The following NPSR1 variants were observed in gnomAD, a reference collection of about 807,000 sequenced individuals.
The protein encoded by NPSR1 is neuropeptide S receptor.
In NPSR1, 48 loss-of-function variants were observed where a neutral mutation model predicts 46.9. The ratio of observed to expected loss-of-function variants is 1.02; its 90% confidence interval spans 0.81 to 1.30. The LOEUF (loss-of-function observed/expected upper bound fraction) is 1.30. Ranked by LOEUF, NPSR1 falls within the 50% of genes most tolerant of loss-of-function variation. NPSR1 has a pLI of 0.00. For missense variants in NPSR1, 450 were observed against 449.5 expected, an observed-to-expected ratio of 1.00 and a Z score of -0.01; for synonymous variants, 176 against 168.1, an observed-to-expected ratio of 1.05 and a Z score of -0.36.
chr7:34,712,616 C>T (rs1783358799), intron 2 of NPSR1, among the ~76,000 whole-genome samples: 1 of 152,110 alleles, frequency 6.6e-6, no homozygotes, highest in South Asian at 2.1e-4. Flanking sequence ...CAACCAGGAG[C>T]AGGAGTTGGA....
chr7:34,741,342 G>A (rs960772270), intron 2 of NPSR1, among the ~76,000 whole-genome samples: 17 of 152,078 alleles, frequency 1.1e-4, no homozygotes, highest in African/African-American at 3.9e-4. Context: ...TTTTTTGAGA[G>A]TTTATTCAGT....
chr7:34,867,913 G>A (rs1425697707), intron 8 of NPSR1, among the ~76,000 whole-genome samples: 1 of 151,812 alleles, frequency 6.6e-6, no homozygotes, highest in Non-Finnish European at 1.5e-5. Flanking sequence ...CCTAAATGGA[G>A]AAAGTCCAGC....
At chr7:34,777,211 CT>C (rs1182718887) in intron 2 of NPSR1, among the ~76,000 whole-genome samples, 2 of 152,120 alleles carry the variant, frequency 1.3e-5, no homozygotes, top group Non-Finnish European at 2.9e-5. Context: ...CCCTAGAGCA[CT>C]TTAGCTTGCA....
chr7:34,663,150 A>T (rs1422708510), intron 1 of NPSR1, among the ~76,000 whole-genome samples: 3 of 150,160 alleles, frequency 2.0e-5, no homozygotes, highest in Non-Finnish European at 3.0e-5. Flanking sequence ...CTACTGAGGG[A>T]TCTGAGCAAG....
At chr7:34,718,591 A>G (rs1323151847) in intron 2 of NPSR1, among the ~76,000 whole-genome samples, 1 of 152,222 alleles carries the variant, frequency 6.6e-6, no homozygotes, top group Admixed American at 6.5e-5. Context: ...TAGGAAGGTC[A>G]ATACAGCCTC....
chr7:34,704,697 C>T (rs1794012137), intron 2 of NPSR1, among the ~76,000 whole-genome samples: 1 of 152,090 alleles, frequency 6.6e-6, no homozygotes. Context: ...AAAAGCTTTG[C>T]AAGGGGGAAA....
intron 2 of NPSR1, among the ~76,000 whole-genome samples, chr7:34,705,556 C>G (rs1165409692): frequency 6.6e-6 from 1 of 151,608 alleles, no homozygotes; most frequent in Admixed American, 6.6e-5. Flanking sequence ...CCTAAAGGCT[C>G]CTGATTAGCA....
At chr7:34,819,572 C>T (rs187622296) in intron 4 of NPSR1, among the ~76,000 whole-genome samples, 1,739 of 152,280 alleles carry the variant, frequency 0.011, 22 homozygotes, top group Non-Finnish European at 0.014. Flanking sequence ...CTGGTATATA[C>T]CCAAAGGATT....
At chr7:34,796,826 A>T (rs1788194624) in intron 3 of NPSR1, among the ~76,000 whole-genome samples, 1 of 152,178 alleles carries the variant, frequency 6.6e-6, no homozygotes, top group Non-Finnish European at 1.5e-5. Flanking sequence ...GCTCCTGGGT[A>T]TTTACCCAAA....
At chr7:34,776,098 A>G (rs928419267) in intron 2 of NPSR1, among the ~76,000 whole-genome samples, 4 of 152,046 alleles carry the variant, frequency 2.6e-5, no homozygotes, top group African/African-American at 9.7e-5. Flanking sequence ...ATGATGCTTC[A>G]TATTATATTA....
intron 5 of NPSR1, 146 bp from the exon 6 acceptor site, chr7:34,834,238 A>G: frequency 1.5e-6 from 1 of 647,160 alleles, no homozygotes; most frequent in South Asian, 1.9e-5. Context: ...TTGCAATTCT[A>G]TGAACAGCAA....
intron 3 of NPSR1, among the ~76,000 whole-genome samples, chr7:34,803,524 A>T (rs927583165): frequency 6.6e-6 from 1 of 151,890 alleles, no homozygotes; most frequent in African/African-American, 2.4e-5. Context: ...CAATGAGAAC[A>T]CATGGACACA....
chr7:34,833,004 G>A (rs183586290), intron 5 of NPSR1, among the ~76,000 whole-genome samples: 223 of 152,272 alleles, frequency 1.5e-3, no homozygotes, highest in African/African-American at 5.0e-3. Flanking sequence ...GAATGGAGAT[G>A]CTCCAAAAAA....
intron 2 of NPSR1, among the ~76,000 whole-genome samples, chr7:34,696,320 G>A (rs186487692): frequency 4.6e-5 from 7 of 152,166 alleles, no homozygotes; most frequent in Admixed American, 2.6e-4. Context: ...AGAGAGAAAG[G>A]TGGGAGGTGA....
At chr7:34,797,786 G>T (rs1788245880) in intron 3 of NPSR1, among the ~76,000 whole-genome samples, 1 of 152,026 alleles carries the variant, frequency 6.6e-6, no homozygotes. Flanking sequence ...AGAAGTTGAG[G>T]GGGAAACTTA....
At chr7:34,696,326 G>A (rs1793527129) in intron 2 of NPSR1, among the ~76,000 whole-genome samples, 1 of 152,020 alleles carries the variant, frequency 6.6e-6, no homozygotes. Flanking sequence ...AAAGGTGGGA[G>A]GTGAATAAGA....
intron 1 of NPSR1, among the ~76,000 whole-genome samples, chr7:34,683,446 CAAA>C (rs34732541): frequency 8.8e-6 from 1 of 113,186 alleles, no homozygotes; most frequent in Admixed American, 9.7e-5. Flanking sequence ...GACTCTGTCA[CAAA>C]AAAAAAAAAA....
chr7:34,713,127 C>T (rs547996256), intron 2 of NPSR1, among the ~76,000 whole-genome samples: 7 of 152,168 alleles, frequency 4.6e-5, no homozygotes, highest in African/African-American at 9.7e-5. Context: ...CTGAGCAGAG[C>T]GGCTACTGTT....
chr7:34,799,690 T>A (rs1236125682), intron 3 of NPSR1, among the ~76,000 whole-genome samples: 1 of 143,842 alleles, frequency 7.0e-6, no homozygotes, highest in Non-Finnish European at 1.5e-5. Context: ...AACATCATAA[T>A]GACAGGATCA....
Sources: allele counts gnomAD v4.1 joint callset (sites outside exome capture counted in the v4.1 genomes callset), GRCh38; gene constraint gnomAD v4.1.1; transcripts MANE v1.5; gene names NCBI Gene and HGNC (gene_info 2026-07-23, HGNC 2026-07-21).